Variants in FRRS1L observed in about 807,000 individuals in gnomAD.
FRRS1L encodes the protein DOMON domain-containing protein FRRS1L.
Under a neutral mutation model 28.6 loss-of-function variants are expected in FRRS1L, and 22 were observed. The ratio of observed to expected loss-of-function variants is 0.77; its 90% CI spans 0.55 to 1.10. The LOEUF (loss-of-function observed/expected upper bound fraction) is 1.10, where lower values mean the gene tolerates loss of function less well. Among genes scored for constraint, FRRS1L ranks in the 50% least tolerant of loss-of-function variants. FRRS1L has a pLI of 0.00. For synonymous variants in FRRS1L, 158 were observed against 151.4 expected (o/e 1.04, Z -0.32); for missense variants, 380 against 386.9 (o/e 0.98, Z 0.15).
intron 1 of FRRS1L, among the ~76,000 whole-genome samples, chr9:109,154,266 T>G (rs1480771579): frequency 1.3e-5 from 2 of 152,216 alleles, no homozygotes; most frequent in African/African-American, 2.4e-5. Flanking sequence ...ATGGTAACTT[T>G]CCTGAAGTTA....
intron 3 of FRRS1L, among the ~76,000 whole-genome samples, chr9:109,144,190 C>G (rs1831224343): frequency 6.6e-6 from 1 of 152,114 alleles, no homozygotes; most frequent in Admixed American, 6.5e-5. Context: ...TCCATGCAGT[C>G]TTACCAGTGG....
intron 1 of FRRS1L, among the ~76,000 whole-genome samples, chr9:109,161,749 C>T (rs1423138269): frequency 6.6e-6 from 1 of 152,126 alleles, no homozygotes; most frequent in Non-Finnish European, 1.5e-5. Flanking sequence ...TACTTGATTC[C>T]TTGAAGTTTA....
chr9:109,140,759 A>T (rs1323231255), intron 4 of FRRS1L: 3 of 151,228 alleles, frequency 2.0e-5, no homozygotes, highest in African/African-American at 4.9e-5. Flanking sequence ...TATAGTGCCC[A>T]GGCTGGTCTT....
In FRRS1L at chr9:109,136,089, A is replaced by T. The variant is rs1370102392; in HGVS notation, c.*1366T>A. 1 of 151,974 alleles carries T rather than the reference A, an allele frequency of 6.6e-6. No homozygotes were observed. The highest frequency in any genetic ancestry group is 1.5e-5 in the Non-Finnish European group (1 of 67,988). 9.4% of individuals were successfully genotyped at this position (151,974 alleles called of 1,614,324 possible). A position where few individuals can be genotyped will look rare whatever the true frequency, so the allele number is the denominator to read the frequency against. ...TACTAAAAATACAAAAAAATTAGCCAGGCATAGTGGCACATGCCTGTAATC... is the reference window on the plus strand; with the variant it reads ...TACTAAAAATACAAAAAAATTAGCCTGGCATAGTGGCACATGCCTGTAATC... On this transcript the variant is annotated 3_prime_UTR_variant, in exon 5 of 5. Coordinates refer to ENST00000561981, the MANE Select transcript of FRRS1L (RefSeq NM_014334.4).
rs558925038 is a variant in FRRS1L, at chr9:109,147,334, T to A, written c.324-145A>T. On this transcript the variant is annotated intron_variant, in intron 2 of 4. Coordinates refer to ENST00000561981, the MANE Select transcript of FRRS1L (RefSeq NM_014334.4). ...TACCTGGAATCTTAAAAACACAGTT[T>A]CACTCTCTTAGGAGGAACCTTAGAG... 6.5e-5 allele frequency: 45 copies of A among 689,514 alleles called. No homozygotes were observed. In the African/African-American group the frequency reaches 7.3e-4, roughly 11 times the overall value. The allele number at this position is 689,514 out of a possible 1,614,324, so 42.7% of individuals were successfully genotyped here.
chr9:109,152,791 G>C (rs1249941221), intron 1 of FRRS1L, among the ~76,000 whole-genome samples: 2 of 91,420 alleles, frequency 2.2e-5, no homozygotes, highest in African/African-American at 4.6e-5. Flanking sequence ...GTGACAGAGA[G>C]AGACTCCATC....
intron 1 of FRRS1L, among the ~76,000 whole-genome samples, chr9:109,164,550 C>T (rs1411450538): frequency 6.6e-6 from 1 of 152,072 alleles, no homozygotes; most frequent in Non-Finnish European, 1.5e-5. Context: ...AGGCGTGCAC[C>T]ACCACGCCCG....
intron 1 of FRRS1L, among the ~76,000 whole-genome samples, chr9:109,162,221 C>G (rs1178887051): frequency 6.6e-6 from 1 of 152,198 alleles, no homozygotes; most frequent in African/African-American, 2.4e-5. Flanking sequence ...GAGGCTGAGG[C>G]ATGAGCATCA....
intron 4 of FRRS1L, chr9:109,141,137 G>A (rs2118466700): frequency 3.3e-6 from 2 of 604,288 alleles, no homozygotes; most frequent in East Asian, 5.6e-5. Context: ...TTGCATGTGT[G>A]TAACTGTTCA....
intron 1 of FRRS1L, among the ~76,000 whole-genome samples, chr9:109,155,480 G>A (rs1047386665): frequency 6.6e-6 from 1 of 152,168 alleles, no homozygotes; most frequent in African/African-American, 2.4e-5. Context: ...TTAGGAGGCT[G>A]AGGCAGGCAG....
intron 1 of FRRS1L, among the ~76,000 whole-genome samples, chr9:109,161,886 G>A (rs73523107): frequency 0.032 from 4,849 of 152,164 alleles, 269 homozygotes; most frequent in African/African-American, 0.11. Flanking sequence ...AGTATCGAGG[G>A]GTTTTATAAG....
At position 109,131,063 on chromosome 9, in the gene FRRS1L, C is replaced by T. The variant is rs1370050998; in HGVS notation, c.*6392G>A. The T allele has an allele frequency of 6.6e-6, 1 of 152,158 alleles. No homozygotes were observed. The highest frequency in any genetic ancestry group is 2.4e-5 in the African/African-American group (1 of 41,434). The allele number at this position is 152,158 out of a possible 1,614,324, so 9.4% of individuals were successfully genotyped here. A position where few individuals can be genotyped will look rare whatever the true frequency, so the allele number is the denominator to read the frequency against. On this transcript the variant is annotated 3_prime_UTR_variant, in exon 5 of 5. Coordinates refer to ENST00000561981, the MANE Select transcript of FRRS1L (RefSeq NM_014334.4). Reference sequence around the variant, plus strand: ...ATCACACTAGCCTAGCCACTATTTTCATGAAGAGGAACTTATATGCAAGTC... The same window carrying T: ...ATCACACTAGCCTAGCCACTATTTTTATGAAGAGGAACTTATATGCAAGTC...
chr9:109,153,868 C>CAATATTTAA (rs1831368829), intron 1 of FRRS1L, among the ~76,000 whole-genome samples: 1 of 152,124 alleles, frequency 6.6e-6, no homozygotes, highest in Non-Finnish European at 1.5e-5. Flanking sequence ...GACCATGTGC[C>CAATATTTAA]AATATTTAAG....
intron 1 of FRRS1L, among the ~76,000 whole-genome samples, chr9:109,159,670 A>C (rs773421010): frequency 3.3e-5 from 5 of 152,144 alleles, no homozygotes; most frequent in Non-Finnish European, 5.9e-5. Context: ...CAACAACAAC[A>C]ACCAAAAAAA....
Position 109,166,881 on chromosome 9 carries a change from T to C in FRRS1L, c.238+20A>G. The C allele has an allele frequency of 8.7e-6, 3 of 345,260 alleles. No homozygotes were observed. Among genetic ancestry groups the C allele is most frequent in the Non-Finnish European group, 1.2e-5 (3 of 254,432 alleles). 21.4% of individuals were successfully genotyped at this position (345,260 alleles called of 1,614,324 possible). A position where few individuals can be genotyped will look rare whatever the true frequency, so the allele number is the denominator to read the frequency against. ...CCCCGGTCTCCCCTCCCGCAACCCC[T>C]CGCCCTCCCGCAGCCTCACCCTCCT... On this transcript the variant is annotated intron_variant, in intron 1 of 4. Coordinates refer to ENST00000561981, the MANE Select transcript of FRRS1L (RefSeq NM_014334.4).
chr9:109,143,687 G>T (rs1415972132), intron 3 of FRRS1L, among the ~76,000 whole-genome samples: 1 of 151,628 alleles, frequency 6.6e-6, no homozygotes, highest in African/African-American at 2.4e-5. Flanking sequence ...GCTAATTTTT[G>T]TATTTTTAGT....
rs531956471 is a variant in FRRS1L, at chr9:109,154,322, C to T, written c.239-4602G>A. On this transcript the variant is annotated intron_variant, in intron 1 of 4. Coordinates refer to ENST00000561981, the MANE Select transcript of FRRS1L (RefSeq NM_014334.4). The stretch of plus-strand genomic sequence containing the variant: ...TACTCCCTTTTTGCTTCTCCAGTCC[C>T]GCAACTTCTTGCTTAGACAATTCCC... Among the ~76,000 whole-genome samples the T allele has an allele frequency of 5.3e-5, 8 of 152,286 alleles. No individual in the cohort carries two copies. The South Asian group carries it at 6.2e-4, about 12-fold the overall frequency.
rs1831056776 is a variant in FRRS1L, at chr9:109,131,564, G to T, written c.*5891C>A. Reference sequence around the variant, plus strand: ...CACATGCTCCTCAAGTTACAAGAGGGTTATGTCTCAGTAAACCCATCAATT... The same window carrying T: ...CACATGCTCCTCAAGTTACAAGAGGTTTATGTCTCAGTAAACCCATCAATT... On this transcript the variant is annotated 3_prime_UTR_variant, in exon 5 of 5. Coordinates refer to ENST00000561981, the MANE Select transcript of FRRS1L (RefSeq NM_014334.4). 6.6e-6 allele frequency: 1 copy of T among 152,160 alleles called. No individual in the cohort carries two copies. The highest frequency in any genetic ancestry group is 2.1e-4 in the South Asian group (1 of 4,826). The allele number at this position is 152,160 out of a possible 1,614,324, so 9.4% of individuals were successfully genotyped here. A position where few individuals can be genotyped will look rare whatever the true frequency, so the allele number is the denominator to read the frequency against.
In FRRS1L at chr9:109,167,011, C is replaced by G; in HGVS notation, c.128G>C (p.Arg43Pro). The G allele has an allele frequency of 8.1e-7, 1 of 1,230,796 alleles. No homozygotes were observed. Among genetic ancestry groups the G allele is most frequent in the Non-Finnish European group, 1.0e-6 (1 of 987,114 alleles). The allele number at this position is 1,230,796 out of a possible 1,614,324, so 76.2% of individuals were successfully genotyped here. Residue 43 changes from arginine to proline, a missense_variant, in exon 1 of 5, where the codon CGG becomes CCG. Coordinates refer to ENST00000561981, the MANE Select transcript of FRRS1L (RefSeq NM_014334.4). ...DGAGPGGRGP[R>P]GRARGDTGAD... ...GCCCGTGTCCCCCCGCGCGCGTCCC[C>G]GGGGTCCCCGGCCCCCCGGGCCCGC...
Sources: gnomAD v4.1 joint callset for allele counts (sites outside exome capture counted in the v4.1 genomes callset) on GRCh38, gnomAD v4.1.1 for gene constraint, MANE v1.5 for transcripts, NCBI Gene and HGNC (gene_info 2026-07-23, HGNC 2026-07-21) for gene names.